The following DPP6 variants were observed in gnomAD, a reference collection of about 807,000 sequenced individuals.
The protein encoded by DPP6 is dipeptidyl peptidase like 6.
In DPP6, 69 loss-of-function variants were observed where a neutral mutation model predicts 122.6. The observed-to-expected ratio is 0.56, with a 90% confidence interval of 0.46 to 0.69. The LOEUF (loss-of-function observed/expected upper bound fraction) is 0.69, where lower values mean the gene tolerates loss of function less well. Among genes scored for constraint, DPP6 ranks in the 30% least tolerant of loss-of-function variants. The probability of loss-of-function intolerance (pLI) is 0.00; values close to 1 mark genes in which losing one functional copy is unlikely to be tolerated. For missense variants in DPP6, 928 were observed against 1,116.9 expected (o/e 0.83, Z 2.41); for synonymous variants, 418 against 433.1 (o/e 0.97, Z 0.43).
the DPP6 span, among the ~76,000 whole-genome samples, chr7:153,839,714 T>C: frequency 6.6e-6 from 1 of 152,200 alleles, no homozygotes; most frequent in Non-Finnish European, 1.5e-5. Context: ...CATCGCGTGC[T>C]CATGGATCCA....
chr7:154,450,171 C>G (rs1274984356), intron 2 of DPP6, among the ~76,000 whole-genome samples: 2 of 152,086 alleles, frequency 1.3e-5, no homozygotes, highest in Non-Finnish European at 2.9e-5. Context: ...GGAAGGCTGG[C>G]ATAAAAGGCC....
chr7:154,627,189 CTTT>C (rs61163075), intron 5 of DPP6, among the ~76,000 whole-genome samples: 7 of 103,438 alleles, frequency 6.8e-5, no homozygotes, highest in African/African-American at 1.9e-4. Flanking sequence ...ATTTTTTTTC[CTTT>C]TTTTTTTTTT....
the DPP6 span, among the ~76,000 whole-genome samples, chr7:153,767,772 A>AT: frequency 6.6e-6 from 1 of 152,164 alleles, no homozygotes; most frequent in Non-Finnish European, 1.5e-5. Flanking sequence ...AATGCCACAC[A>AT]TTTTTAAATG....
chr7:154,342,998 C>T (rs1387708999), intron 1 of DPP6, among the ~76,000 whole-genome samples: 1 of 152,220 alleles, frequency 6.6e-6, no homozygotes, highest in African/African-American at 2.4e-5. Context: ...CACTTGAAGG[C>T]ATTTCAAACC....
chr7:154,387,992 T>C (rs181265740), intron 1 of DPP6, among the ~76,000 whole-genome samples: 2 of 152,242 alleles, frequency 1.3e-5, no homozygotes, highest in East Asian at 3.9e-4. Context: ...GTACATGGCA[T>C]GCAGTGGGTG....
At chr7:154,432,762 C>T (rs868286670) in intron 1 of DPP6, among the ~76,000 whole-genome samples, 1 of 152,144 alleles carries the variant, frequency 6.6e-6, no homozygotes, top group Non-Finnish European at 1.5e-5. Context: ...ATTCAAGACA[C>T]GGAAGTGGGC....
chr7:154,333,107 G>A (rs1406571468), intron 1 of DPP6, among the ~76,000 whole-genome samples: 3 of 152,110 alleles, frequency 2.0e-5, no homozygotes, highest in Non-Finnish European at 2.9e-5. Context: ...GTTCCCTTTT[G>A]GCTGTTTTAA....
At chr7:154,681,339 G>C (rs1839267706) in intron 7 of DPP6, among the ~76,000 whole-genome samples, 1 of 152,228 alleles carries the variant, frequency 6.6e-6, no homozygotes, top group South Asian at 2.1e-4. Flanking sequence ...TATTAGGTTA[G>C]AGAATTTCAA....
intron 1 of DPP6, among the ~76,000 whole-genome samples, chr7:154,380,591 A>G (rs1382994881): frequency 2.0e-5 from 3 of 152,224 alleles, no homozygotes; most frequent in Non-Finnish European, 4.4e-5. Flanking sequence ...TCCTGGGGAC[A>G]TATGTGTCTC....
rs59406009 is a variant in DPP6, at chr7:154,608,494, A to AT, written c.628-29313dup. Among the ~76,000 whole-genome samples the AT allele has an allele frequency of 5.6e-3, 771 of 138,650 alleles. 11 individuals are homozygous for AT. Among genetic ancestry groups the AT allele is most frequent in the African/African-American group, 0.019 (733 of 37,634 alleles). 91.0% of individuals were successfully genotyped at this position (138,650 alleles called of 152,430 possible). A position where few individuals can be genotyped will look rare whatever the true frequency, so the allele number is the denominator to read the frequency against. ...AGGAGCGTGCCACTACACCTGGCTA[A>AT]TTTTTTTTTTTTTTGTATTTTTAGT... On this transcript the variant is annotated intron_variant, in intron 5 of 25. Coordinates refer to ENST00000377770, the MANE Select transcript of DPP6 (RefSeq NM_130797.4).
At chr7:154,844,609 G>T (rs1011436866) in intron 16 of DPP6, among the ~76,000 whole-genome samples, 3 of 152,196 alleles carry the variant, frequency 2.0e-5, no homozygotes, top group African/African-American at 7.2e-5. Flanking sequence ...TGAGGCCTGT[G>T]GTGGTCCTAC....
At position 154,821,518 on chromosome 7, in the gene DPP6, C is replaced by T. The variant is rs1799757691; in HGVS notation, c.1666+14406C>T. Among the ~76,000 whole-genome samples the T allele has an allele frequency of 6.6e-6, 1 of 151,534 alleles. No individual in the cohort carries two copies. The highest frequency in any genetic ancestry group is 6.6e-5 in the Admixed American group (1 of 15,184). ...ACAATCTGGCCACATCCTACTTATC[C>T]AGCCTCGTAATGACACTACTCCTCT... On this transcript the variant is annotated intron_variant, in intron 16 of 25. Coordinates refer to ENST00000377770, the MANE Select transcript of DPP6 (RefSeq NM_130797.4). The surrounding 1 kb of genome is among the most constrained non-coding windows in gnomAD (Gnocchi z 4.2).
At chr7:154,829,425 AG>A (rs1214146941) in intron 16 of DPP6, among the ~76,000 whole-genome samples, 7 of 110,632 alleles carry the variant, frequency 6.3e-5, no homozygotes, top group Non-Finnish European at 1.1e-4. Flanking sequence ...GGAGGAGAGG[AG>A]GAGAGGAGGA....
At position 154,618,168 on chromosome 7, in the gene DPP6, G is replaced by A. The variant is rs370928744; in HGVS notation, c.628-19653G>A. On this transcript the variant is annotated intron_variant, in intron 5 of 25. Transcript: ENST00000377770. This position sits in a 1 kb window ranked among gnomAD's most constrained non-coding sequence, Gnocchi z 4.1. The stretch of plus-strand genomic sequence containing the variant: ...GAAGGTTCCAGAGCTGTATGATCCC[G>A]GAATTGTACCCTGTGAAAAAGCATA... 5.3e-4 allele frequency among the ~76,000 whole-genome samples: 80 copies of A among 152,226 alleles called. No homozygotes were observed. The highest frequency in any genetic ancestry group is 1.6e-3 in the African/African-American group (66 of 41,518).
At chr7:154,874,037 C>T (rs748629098) in intron 19 of DPP6, among the ~76,000 whole-genome samples, 1 of 143,146 alleles carries the variant, frequency 7.0e-6, no homozygotes, top group Non-Finnish European at 1.5e-5. Flanking sequence ...TGTGCATACG[C>T]ATCCACATGC....
chr7:154,851,598 C>T (rs1294348037), intron 16 of DPP6, among the ~76,000 whole-genome samples: 1 of 152,188 alleles, frequency 6.6e-6, no homozygotes, highest in African/African-American at 2.4e-5. Context: ...AGTGCTGCCT[C>T]TTTGGGTATA....
At chr7:153,842,989 T>C in the DPP6 span, among the ~76,000 whole-genome samples, 1 of 152,136 alleles carries the variant, frequency 6.6e-6, no homozygotes, top group African/African-American at 2.4e-5. Context: ...TGTGCATGTG[T>C]GTGTGCACGC....
chr7:154,471,682 C>T (rs1381679617), intron 2 of DPP6, among the ~76,000 whole-genome samples: 1 of 152,030 alleles, frequency 6.6e-6, no homozygotes, highest in East Asian at 1.9e-4. Flanking sequence ...CAACCAAGAA[C>T]CACAAAGCAT....
chr7:154,497,377 T>G (rs111705859), intron 3 of DPP6, among the ~76,000 whole-genome samples: 12,055 of 152,020 alleles, frequency 0.079, 1,527 homozygotes, highest in African/African-American at 0.27. Flanking sequence ...GGAGGCCCAG[T>G]TGGTTGGATC....
Sources: gnomAD v4.1 joint callset for allele counts (sites outside exome capture counted in the v4.1 genomes callset) on GRCh38, gnomAD v4.1.1 for gene constraint, Gnocchi (gnomAD v3.1) non-coding constraint, MANE v1.5 for transcripts, NCBI Gene and HGNC (gene_info 2026-07-23, HGNC 2026-07-21) for gene names.